The following PRRT3 variants were observed in gnomAD, a reference collection of about 807,000 sequenced individuals.
PRRT3 encodes proline-rich transmembrane protein 3.
Under a neutral mutation model 56.6 loss-of-function variants are expected in PRRT3, and 48 were observed. That is an observed-to-expected ratio of 0.85 (90% confidence interval 0.67 to 1.08). The LOEUF (loss-of-function observed/expected upper bound fraction) is 1.08, where lower values mean the gene tolerates loss of function less well. PRRT3 is among the 50% of genes least tolerant of loss of function. The pLI is 0.00. For synonymous variants in PRRT3, 641 were observed against 619.1 expected (o/e 1.04, Z -0.52); for missense variants, 1,370 against 1,353.1 (o/e 1.01, Z -0.20).
rs766028907 is a variant in PRRT3, at chr3:9,947,635, G to A, written c.1538C>T (p.Ala513Val). ...ALVAAVLVLV[A>V]SALRSAYMLT... is the part of the protein sequence containing the mutation. ...CATGTAGGCGGATCGCAGCGCCGAA[G>A]CCACGAGCACCAGCACCGCGGCCAC... Residue 513 changes from alanine (A) to valine (V), a missense_variant, in exon 4 of 4, where the codon GCT (alanine) becomes GTT (valine). Coordinates refer to ENST00000412055, the MANE Select transcript of PRRT3 (RefSeq NM_207351.5). This position sits in a 1 kb window ranked among gnomAD's most constrained non-coding sequence, Gnocchi z 9.2. The A allele has an allele frequency of 2.5e-6, 4 of 1,578,038 alleles. No homozygotes were observed. The highest frequency in any genetic ancestry group is 1.8e-5 in the Admixed American group (1 of 55,526).
Position 9,947,050 on chromosome 3 carries a change from T to C in PRRT3, c.2123A>G (p.Glu708Gly). 1 of 1,535,114 alleles carries C rather than the reference T, an allele frequency of 6.5e-7. No individual in the cohort carries two copies. Among genetic ancestry groups the C allele is most frequent in the Non-Finnish European group, 8.7e-7 (1 of 1,145,270 alleles). Residue 708 changes from glutamate to glycine, a missense_variant, in exon 4 of 4, where the codon GAG becomes GGG. Coordinates refer to ENST00000412055, the MANE Select transcript of PRRT3 (RefSeq NM_207351.5). This position sits in a 1 kb window ranked among gnomAD's most constrained non-coding sequence, Gnocchi z 9.2. ...VAAARPRPPTEHACWAKLMRL... is the reference protein window; with the variant it reads ...VAAARPRPPTGHACWAKLMRL... ...CATCAGCTTAGCCCAGCAAGCGTGC[T>C]CCGTGGGCGGCCTGGGTCTCGCGGC...
chr3:9,949,710 G>A lies in PRRT3; in HGVS notation c.406C>T (p.Leu136Phe), dbSNP rs774756303. The change falls in exon 2 of 4, where the codon CTT becomes TTT. Residue 136 changes from leucine to phenylalanine, a missense_variant. Coordinates refer to ENST00000412055, the MANE Select transcript of PRRT3 (RefSeq NM_207351.5). This position sits in a 1 kb window ranked among gnomAD's most constrained non-coding sequence, Gnocchi z 4.5. ...GWTGPLDSQE[L>F]LQQEAVAPHP... ...GGAGCCACTGCTTCTTGCTGCAGAAGCTCTTGTGAGTCCAGAGGTCCTGTC... is the reference window on the plus strand; with the variant it reads ...GGAGCCACTGCTTCTTGCTGCAGAAACTCTTGTGAGTCCAGAGGTCCTGTC... 2.5e-6 allele frequency: 4 copies of A among 1,614,162 alleles called. No individual in the cohort carries two copies. Among genetic ancestry groups the A allele is most frequent in the Non-Finnish European group, 3.4e-6 (4 of 1,180,020 alleles).
chr3:9,950,950 T>C (rs570976525), intron 1 of PRRT3, among the ~76,000 whole-genome samples: 3 of 152,304 alleles, frequency 2.0e-5, no homozygotes, highest in Admixed American at 2.0e-4. Flanking sequence ...CATCATAGTT[T>C]TCCCATCAGT....
Position 9,947,655 on chromosome 3 carries a change from G to C in PRRT3, c.1518C>G (p.Ala506=). ...APAGPRLALV[A]AVLVLVASAL... ...CCGAAGCCACGAGCACCAGCACCGC[G>C]GCCACCAATGCCAGCCGGGGCCCTG... is the stretch of plus-strand genomic sequence containing the variant. The change falls in exon 4 of 4, where the codon GCC becomes GCG. Residue 506 remains alanine, a synonymous_variant. Transcript: ENST00000412055. This position sits in a 1 kb window ranked among gnomAD's most constrained non-coding sequence, Gnocchi z 9.2. 1 of 1,570,962 alleles carries C rather than the reference G, an allele frequency of 6.4e-7. No homozygotes were observed.
rs1364373547 is a variant in PRRT3 at position 9,946,907 on chromosome 3, G to A, written c.2266C>T (p.Arg756Cys). ...AGCTGCCCACTCTCCGCCGGGTTGC[G>A]GATGAGGCTCTTGCTGATGTCCAAG... ...GSLDISKSLI[R>C]NPAESGQLAT... is the part of the protein sequence containing the mutation. Residue 756 changes from arginine to cysteine, a missense_variant, in exon 4 of 4, where the codon CGC becomes TGC. Physicochemically the swap from Arg to Cys is radical, Grantham distance 180. Transcript: ENST00000412055. This position sits in a 1 kb window ranked among gnomAD's most constrained non-coding sequence, Gnocchi z 4.1. The A allele has an allele frequency of 2.6e-6, 4 of 1,539,382 alleles. No individual in the cohort carries two copies. The highest frequency in any genetic ancestry group is 3.5e-6 in the Non-Finnish European group (4 of 1,148,220).
Position 9,947,404 on chromosome 3 carries a change from A to T in PRRT3, c.1769T>A (p.Leu590Gln). ...GTTGAGCACAGACCATGTGGACAGC[A>T]GGTCTGTCGCGAGCAACCCTACACC... ...VHGVGLLATD[L>Q]LSTWSVLNLL... Residue 590 changes from leucine to glutamine, a missense_variant, in exon 4 of 4, where the codon CTG becomes CAG. Transcript: ENST00000412055. The surrounding 1 kb of genome is among the most constrained non-coding windows in gnomAD (Gnocchi z 9.2). The T allele has an allele frequency of 6.2e-7, 1 of 1,612,410 alleles. No individual in the cohort carries two copies. Among genetic ancestry groups the T allele is most frequent in the Non-Finnish European group, 8.5e-7 (1 of 1,179,614 alleles).
intron 1 of PRRT3, among the ~76,000 whole-genome samples, 152 bp downstream of exon 1, chr3:9,952,170 T>C (rs1053565046): frequency 6.6e-6 from 1 of 151,784 alleles, no homozygotes; most frequent in Non-Finnish European, 1.5e-5. Context: ...TCCTCCTCCG[T>C]CTCCTCTCTC....
rs765548493 is a variant in PRRT3 at position 9,947,809 on chromosome 3, G to A, written c.1364C>T (p.Ala455Val). Residue 455 changes from alanine (A) to valine (V), a missense_variant, in exon 4 of 4, where the codon GCA (alanine) becomes GTA (valine). Coordinates refer to ENST00000412055, the MANE Select transcript of PRRT3 (RefSeq NM_207351.5). The surrounding 1 kb of genome is among the most constrained non-coding windows in gnomAD (Gnocchi z 9.2). The stretch of plus-strand genomic sequence containing the variant: ...AAGGGGGCCCCAGCGTAGCGGGGGT[G>A]CAGTGGCGTTGGCTGGGGGGCTGGA... ...PASSPPANAT[A>V]PPLRWGPLRR... The A allele has an allele frequency of 2.3e-5, 33 of 1,449,762 alleles. No individual in the cohort carries two copies. Among genetic ancestry groups the A allele is most frequent in the Non-Finnish European group, 2.9e-5 (32 of 1,101,544 alleles). 89.8% of individuals were successfully genotyped at this position (1,449,762 alleles called of 1,614,324 possible).
Position 9,947,461 on chromosome 3 carries a change from G to A in PRRT3, c.1712C>T (p.Pro571Leu). The A allele has an allele frequency of 6.2e-7, 1 of 1,612,512 alleles. No individual in the cohort carries two copies. The highest frequency in any genetic ancestry group is 8.5e-7 in the Non-Finnish European group (1 of 1,179,650). ...CAGCGCCACTGCTCCCAGCAGGAGT[G>A]GGTTTTGCAGCGGTGGCGGCAGCCC... ...GAGLPPPLQN[P>L]LLLGAVALVH... The change falls in exon 4 of 4, where the codon CCA becomes CTA. Residue 571 changes from proline to leucine, a missense_variant. Physicochemically the swap from Pro to Leu is moderately conservative, Grantham distance 98 (BLOSUM62 -3). Transcript: ENST00000412055. This position sits in a 1 kb window ranked among gnomAD's most constrained non-coding sequence, Gnocchi z 9.2.
At position 9,947,639 on chromosome 3, in the gene PRRT3, C is replaced by G. The variant is rs377041596; in HGVS notation, c.1534G>C (p.Val512Leu). 1 of 1,575,498 alleles carries G rather than the reference C, an allele frequency of 6.3e-7. No homozygotes were observed. Residue 512 changes from valine (V) to leucine (L), a missense_variant, in exon 4 of 4, where the codon GTG becomes CTG. Transcript: ENST00000412055. This position sits in a 1 kb window ranked among gnomAD's most constrained non-coding sequence, Gnocchi z 9.2. ...LALVAAVLVLVASALRSAYML... is the reference protein window; with the variant it reads ...LALVAAVLVLLASALRSAYML... ...TAGGCGGATCGCAGCGCCGAAGCCA[C>G]GAGCACCAGCACCGCGGCCACCAAT...
rs1422950954 is a variant in PRRT3 at position 9,947,024 on chromosome 3, G to GC, written c.2148dup (p.Arg717AlafsTer19). On this transcript the variant is annotated frameshift_variant, in exon 4 of 4. Transcript: ENST00000412055. LOFTEE classifies it high-confidence loss of function. This position sits in a 1 kb window ranked among gnomAD's most constrained non-coding sequence, Gnocchi z 9.2. ...CCTGACGGCGCCGGGCACGCCAGAC[G>GC]CATCAGCTTAGCCCAGCAAGCGTGC... 1.3e-6 allele frequency: 2 copies of GC among 1,540,080 alleles called. No individual in the cohort carries two copies. Among genetic ancestry groups the GC allele is most frequent in the Non-Finnish European group, 1.7e-6 (2 of 1,147,842 alleles).
intron 1 of PRRT3, among the ~76,000 whole-genome samples, chr3:9,952,037 T>TG (rs1402774423): frequency 6.6e-6 from 1 of 151,924 alleles, no homozygotes; most frequent in Non-Finnish European, 1.5e-5. Context: ...GGAGAGGCTG[T>TG]GGGGGGTGGC....
rs1204363000 is a variant in PRRT3 at position 9,946,752 on chromosome 3, T to C, written c.2421A>G (p.Pro807=). Reference sequence around the variant, plus strand: ...TGCTGCGGCTCAGGTTGATGGGCGATGGCGGCCGCAGATCCAGCTCGCTCA... The same window carrying C: ...TGCTGCGGCTCAGGTTGATGGGCGACGGCGGCCGCAGATCCAGCTCGCTCA... ...PSLSELDLRP[P]SPINLSRSID... Residue 807 remains proline (P), a synonymous_variant, in exon 4 of 4, where the codon CCA becomes CCG. Transcript: ENST00000412055. The surrounding 1 kb of genome is among the most constrained non-coding windows in gnomAD (Gnocchi z 4.1). 6.5e-7 allele frequency: 1 copy of C among 1,532,110 alleles called. No homozygotes were observed. The highest frequency in any genetic ancestry group is 1.2e-5 in the South Asian group (1 of 80,156). The allele number at this position is 1,532,110 out of a possible 1,614,324, so 94.9% of individuals were successfully genotyped here.
rs1465618825 is a variant in PRRT3, at chr3:9,949,126, C to T, written c.990G>A (p.Glu330=). Residue 330 remains glutamate, a synonymous_variant, in exon 2 of 4, where the codon GAG becomes GAA. Coordinates refer to ENST00000412055, the MANE Select transcript of PRRT3 (RefSeq NM_207351.5). This position sits in a 1 kb window ranked among gnomAD's most constrained non-coding sequence, Gnocchi z 4.5. ...GPQPTDPPAS[E]APDRPSKPER... ...CTGGCTTAGACGGCCGATCAGGAGC[C>T]TCTGAGGCGGGTGGATCCGTGGGCT... 1.2e-6 allele frequency: 2 copies of T among 1,610,076 alleles called. No individual in the cohort carries two copies. Among genetic ancestry groups the T allele is most frequent in the East Asian group, 2.2e-5 (1 of 44,880 alleles).
chr3:9,946,052 G>C lies in PRRT3; in HGVS notation c.*175C>G. 1 of 953,990 alleles carries C rather than the reference G, an allele frequency of 1.0e-6. No individual in the cohort carries two copies. Among genetic ancestry groups the C allele is most frequent in the East Asian group, 2.9e-5 (1 of 34,036 alleles). The allele number at this position is 953,990 out of a possible 1,614,324, so 59.1% of individuals were successfully genotyped here. ...TCGCTATGTTCGAGACCAGGAGGCT[G>C]ATCTCGAACTCCTGACCTCGTGTTC... On this transcript the variant is annotated 3_prime_UTR_variant, in exon 4 of 4. Coordinates refer to ENST00000412055, the MANE Select transcript of PRRT3 (RefSeq NM_207351.5). This position sits in a 1 kb window ranked among gnomAD's most constrained non-coding sequence, Gnocchi z 4.1.
intron 1 of PRRT3, among the ~76,000 whole-genome samples, chr3:9,952,072 G>C (rs914432068): frequency 2.0e-5 from 3 of 152,206 alleles, no homozygotes; most frequent in African/African-American, 4.8e-5. Flanking sequence ...CAGGGACTGG[G>C]GAGAGGCCGG....
chr3:9,947,932 G>A lies in PRRT3; in HGVS notation c.1241C>T (p.Thr414Met). 4 of 1,413,578 alleles carry A rather than the reference G, an allele frequency of 2.8e-6. No homozygotes were observed. Among genetic ancestry groups the A allele is most frequent in the Non-Finnish European group, 3.7e-6 (4 of 1,088,424 alleles). The allele number at this position is 1,413,578 out of a possible 1,614,324, so 87.6% of individuals were successfully genotyped here. The change falls in exon 4 of 4, where the codon ACG becomes ATG. Residue 414 changes from threonine to methionine, a missense_variant. Coordinates refer to ENST00000412055, the MANE Select transcript of PRRT3 (RefSeq NM_207351.5). The surrounding 1 kb of genome is among the most constrained non-coding windows in gnomAD (Gnocchi z 9.2). ...PPAPPVQAPSTSRRGLIRVTT... is the reference protein window; with the variant it reads ...PPAPPVQAPSMSRRGLIRVTT... ...GACTCGAATGAGGCCCCGGCGTGACGTCGAGGGGGCCTGGACTGGGGGTGC... is the reference window on the plus strand; with the variant it reads ...GACTCGAATGAGGCCCCGGCGTGACATCGAGGGGGCCTGGACTGGGGGTGC...
At position 9,947,125 on chromosome 3, in the gene PRRT3, C is replaced by T. The variant is rs748035308; in HGVS notation, c.2048G>A (p.Arg683His). 2 of 1,538,584 alleles carry T rather than the reference C, an allele frequency of 1.3e-6. No individual in the cohort carries two copies. The highest frequency in any genetic ancestry group is 1.7e-6 in the Non-Finnish European group (2 of 1,147,782). ...WAWWGVHFWLRLLELTWALAL... is the reference protein window; with the variant it reads ...WAWWGVHFWLHLLELTWALAL... ...GAGCGCCCATGTCAGCTCCAGGAGGCGCAGCCAGAAGTGGACACCCCACCA... is the reference window on the plus strand; with the variant it reads ...GAGCGCCCATGTCAGCTCCAGGAGGTGCAGCCAGAAGTGGACACCCCACCA... The change falls in exon 4 of 4, where the codon CGC becomes CAC. Residue 683 changes from arginine (R) to histidine (H), a missense_variant. Physicochemically the swap from Arg to His is conservative, Grantham distance 29 (BLOSUM62 0). Transcript: ENST00000412055. The surrounding 1 kb of genome is among the most constrained non-coding windows in gnomAD (Gnocchi z 9.2).
Position 9,948,337 on chromosome 3 carries a change from C to CT in PRRT3, c.1172-337dup, listed in dbSNP as rs1296951712. Reference sequence around the variant, plus strand: ...GTGGCTTGGGCATTGGAATTTTTTTCTTTTTTTCTTTTGACAGGTTCTCAC... The same window carrying CT: ...GTGGCTTGGGCATTGGAATTTTTTTCTTTTTTTTCTTTTGACAGGTTCTCAC... On this transcript the variant is annotated intron_variant, in intron 3 of 3. Coordinates refer to ENST00000412055, the MANE Select transcript of PRRT3 (RefSeq NM_207351.5). The CT allele has an allele frequency of 8.7e-6, 3 of 343,300 alleles. No homozygotes were observed. The Admixed American group carries it at 1.4e-4, about 16-fold the overall frequency. The allele number at this position is 343,300 out of a possible 1,614,324, so 21.3% of individuals were successfully genotyped here.
Sources: gnomAD v4.1 joint callset for allele counts (sites outside exome capture counted in the v4.1 genomes callset) on GRCh38, gnomAD v4.1.1 for gene constraint, Gnocchi (gnomAD v3.1) non-coding constraint, MANE v1.5 for transcripts, NCBI Gene and HGNC (gene_info 2026-07-23, HGNC 2026-07-21) for gene names.